Variants in GPC5 observed in about 807,000 individuals in gnomAD.
GPC5 encodes glypican 5.
In GPC5, 47 loss-of-function variants were observed where a neutral mutation model predicts 53.9. The ratio of observed to expected loss-of-function variants is 0.87; its 90% CI spans 0.69 to 1.11. GPC5 has a LOEUF of 1.11. Among genes scored for constraint, GPC5 ranks in the 50% most tolerant of loss-of-function variants. The probability of loss-of-function intolerance (pLI) is 0.00; values close to 1 mark genes in which losing one functional copy is unlikely to be tolerated. For missense variants in GPC5, 748 were observed against 713.1 expected (o/e 1.05, Z -0.56); for synonymous variants, 286 against 263.3 (o/e 1.09, Z -0.84).
chr13:92,334,093 T>C (rs2043306313), intron 7 of GPC5, among the ~76,000 whole-genome samples: 1 of 152,184 alleles, frequency 6.6e-6, no homozygotes, highest in African/African-American at 2.4e-5. Flanking sequence ...TGTAGGAATA[T>C]AGTCAATCGC....
At chr13:92,731,801 A>C (rs996650160) in intron 7 of GPC5, among the ~76,000 whole-genome samples, 1 of 151,548 alleles carries the variant, frequency 6.6e-6, no homozygotes, top group East Asian at 1.9e-4. Flanking sequence ...GAGTTGTAAA[A>C]TAATATTAGA....
intron 7 of GPC5, among the ~76,000 whole-genome samples, chr13:92,260,022 C>G (rs749074765): frequency 1.3e-5 from 2 of 152,168 alleles, no homozygotes; most frequent in Non-Finnish European, 2.9e-5. Flanking sequence ...TCCCTCTAAT[C>G]TGCAGCCTTA....
intron 5 of GPC5, among the ~76,000 whole-genome samples, chr13:91,821,424 T>C (rs1274445386): frequency 6.6e-6 from 1 of 152,220 alleles, no homozygotes; most frequent in East Asian, 1.9e-4. Context: ...CCCACTTTTT[T>C]CAATCCTTAT....
intron 7 of GPC5, among the ~76,000 whole-genome samples, chr13:92,784,442 A>G (rs1473471418): frequency 6.6e-6 from 1 of 151,872 alleles, no homozygotes; most frequent in African/African-American, 2.4e-5. Context: ...ATACTTCCAG[A>G]TATTGCAAAA....
chr13:92,333,030 T>C (rs1269051361), intron 7 of GPC5, among the ~76,000 whole-genome samples: 1 of 152,146 alleles, frequency 6.6e-6, no homozygotes, highest in Non-Finnish European at 1.5e-5. Context: ...ATATATTGGG[T>C]CACAGATTTC....
At chr13:91,482,527 A>T (rs1446572127) in intron 2 of GPC5, among the ~76,000 whole-genome samples, 1 of 152,232 alleles carries the variant, frequency 6.6e-6, no homozygotes, top group East Asian at 1.9e-4. Context: ...ATCATTTAGG[A>T]ACATGTTAGA....
At chr13:91,902,729 A>C (rs2039510171) in intron 5 of GPC5, among the ~76,000 whole-genome samples, 1 of 152,110 alleles carries the variant, frequency 6.6e-6, no homozygotes, top group Non-Finnish European at 1.5e-5. Flanking sequence ...AATAAAAATT[A>C]TTGGTTACAA....
At chr13:91,735,698 A>G (rs1023257839) in intron 4 of GPC5, among the ~76,000 whole-genome samples, 2 of 151,098 alleles carry the variant, frequency 1.3e-5, no homozygotes, top group Non-Finnish European at 1.5e-5. Context: ...TGGCCTTTTG[A>G]TCATATTAGG....
intron 2 of GPC5, among the ~76,000 whole-genome samples, chr13:91,641,126 G>C (rs770537117): frequency 2.4e-4 from 37 of 152,082 alleles, no homozygotes; most frequent in Non-Finnish European, 4.3e-4. Flanking sequence ...AGGAGATCGA[G>C]ACCATCCTGG....
chr13:92,053,591 A>G (rs2041048486), intron 6 of GPC5, among the ~76,000 whole-genome samples: 3 of 151,622 alleles, frequency 2.0e-5, no homozygotes, highest in Non-Finnish European at 4.4e-5. Context: ...TTGAAATGTT[A>G]CTTAGATTGT....
chr13:91,873,457 C>G (rs546354114), intron 5 of GPC5, among the ~76,000 whole-genome samples: 1 of 152,254 alleles, frequency 6.6e-6, no homozygotes, highest in East Asian at 1.9e-4. Flanking sequence ...GTGATTGAAT[C>G]ATGGGGGCGG....
chr13:92,866,251 A>G (rs765642290), intron 7 of GPC5, 31 bp from the exon 8 acceptor site: 16 of 1,590,220 alleles, frequency 1.0e-5, no homozygotes, highest in Non-Finnish European at 1.4e-5. Flanking sequence ...GTGGTCATGC[A>G]TCACCTGTGC....
chr13:91,466,851 T>G (rs556071272), intron 2 of GPC5, among the ~76,000 whole-genome samples: 1 of 152,288 alleles, frequency 6.6e-6, no homozygotes, highest in African/African-American at 2.4e-5. Flanking sequence ...TTGAAAATTC[T>G]ATTCAACTCT....
intron 7 of GPC5, among the ~76,000 whole-genome samples, chr13:92,740,648 T>C (rs890389224): frequency 6.6e-6 from 1 of 151,976 alleles, no homozygotes; most frequent in Non-Finnish European, 1.5e-5. Context: ...GGAAGACTTC[T>C]TCATGGATGG....
chr13:92,119,152 G>A (rs370753535), intron 6 of GPC5, among the ~76,000 whole-genome samples: 19 of 152,072 alleles, frequency 1.2e-4, no homozygotes, highest in African/African-American at 3.6e-4. Context: ...CTTACATGGC[G>A]GCAGGCAAGA....
chr13:91,917,539 G>A (rs996879484), intron 6 of GPC5, among the ~76,000 whole-genome samples: 1 of 152,204 alleles, frequency 6.6e-6, no homozygotes, highest in African/African-American at 2.4e-5. Context: ...GTGCCCCAGA[G>A]GAGATTCTGT....
intron 7 of GPC5, among the ~76,000 whole-genome samples, chr13:92,599,893 G>A (rs1416570931): frequency 1.3e-5 from 2 of 152,018 alleles, no homozygotes; most frequent in Middle Eastern, 6.4e-3. Flanking sequence ...ACAATTCAGT[G>A]GCATTGATTA....
chr13:91,755,052 T>A (rs1352614428), intron 4 of GPC5, among the ~76,000 whole-genome samples: 1 of 152,122 alleles, frequency 6.6e-6, no homozygotes, highest in Non-Finnish European at 1.5e-5. Flanking sequence ...TCCAGCAATA[T>A]TCACAAATAG....
At chr13:92,712,496 G>A (rs1194617407) in intron 7 of GPC5, among the ~76,000 whole-genome samples, 1 of 151,290 alleles carries the variant, frequency 6.6e-6, no homozygotes, top group Non-Finnish European at 1.5e-5. Context: ...TATAGGAAAA[G>A]CCAGTAAAGA....
Sources: gnomAD v4.1 joint callset for allele counts (sites outside exome capture counted in the v4.1 genomes callset) on GRCh38, gnomAD v4.1.1 for gene constraint, MANE v1.5 for transcripts, NCBI Gene and HGNC (gene_info 2026-07-23, HGNC 2026-07-21) for gene names.